The following CTNNA3 variants were observed in gnomAD, a reference collection of about 807,000 sequenced individuals.
CTNNA3 encodes the protein catenin alpha 3.
In CTNNA3, 76 loss-of-function variants were observed where a neutral mutation model predicts 95.7. The ratio of observed to expected loss-of-function variants is 0.79; its 90% CI spans 0.66 to 0.96. CTNNA3 has a LOEUF of 0.96. CTNNA3 is among the 40% of genes least tolerant of loss of function. CTNNA3 has a pLI of 0.00. For synonymous variants in CTNNA3, 431 were observed against 374.4 expected, an observed-to-expected ratio of 1.15 and a Z score of -1.74; for missense variants, 1,191 against 1,089.8, an observed-to-expected ratio of 1.09 and a Z score of -1.31.
chr10:66,585,012 A>G (rs977819798), intron 10 of CTNNA3, among the ~76,000 whole-genome samples: 2 of 152,026 alleles, frequency 1.3e-5, no homozygotes, highest in African/African-American at 4.8e-5. Context: ...TAGGACCCCA[A>G]TTCCATCTGG....
intron 12 of CTNNA3, among the ~76,000 whole-genome samples, chr10:66,292,098 T>C (rs1197718693): frequency 2.0e-5 from 3 of 150,344 alleles, no homozygotes; most frequent in East Asian, 1.9e-4. Context: ...CACACACATA[T>C]ATATATACAT....
chr10:67,572,653 C>G (rs1842015486), intron 3 of CTNNA3, among the ~76,000 whole-genome samples: 2 of 152,148 alleles, frequency 1.3e-5, no homozygotes, highest in South Asian at 4.1e-4. Context: ...AAGCATGAAA[C>G]TCACTACACA....
At chr10:67,598,376 C>G (rs1042446061) in intron 3 of CTNNA3, among the ~76,000 whole-genome samples, 13 of 152,096 alleles carry the variant, frequency 8.5e-5, no homozygotes, top group Admixed American at 7.9e-4. Flanking sequence ...TCCCTGGGAG[C>G]CTCTCAGGGC....
chr10:66,068,912 C>G (rs1052190881), intron 15 of CTNNA3, among the ~76,000 whole-genome samples: 1 of 152,130 alleles, frequency 6.6e-6, no homozygotes, highest in Non-Finnish European at 1.5e-5. Flanking sequence ...ATACCACTAT[C>G]CTGATTATGC....
rs559414713 is a variant in CTNNA3, at chr10:67,020,822, G to A, written c.1047+159495C>T. ...TATTTGATGGTTTCCTAATTAGTAG[G>A]GTTGGAACAGAGGGGCTTCAGATGA... On this transcript the variant is annotated intron_variant, in intron 7 of 17. Transcript: ENST00000433211. Among the ~76,000 whole-genome samples the A allele has an allele frequency of 2.6e-5, 4 of 152,236 alleles. No homozygotes were observed. The East Asian group carries it at 7.7e-4, about 29-fold the overall frequency.
rs560333706 is a variant in CTNNA3 at position 66,197,275 on chromosome 10, A to T, written c.1884+83195T>A. On this transcript the variant is annotated intron_variant, in intron 13 of 17. Coordinates refer to ENST00000433211, the MANE Select transcript of CTNNA3 (RefSeq NM_013266.4). Reference sequence around the variant, plus strand: ...TGTTTATGAGTTATACTCAACCCATAGGTTACTGTTTTACAAACTCTGATG... The same window carrying T: ...TGTTTATGAGTTATACTCAACCCATTGGTTACTGTTTTACAAACTCTGATG... Among the ~76,000 whole-genome samples the T allele has an allele frequency of 2.6e-5, 4 of 152,306 alleles. No homozygotes were observed. The South Asian group carries it at 8.3e-4, about 32-fold the overall frequency.
At chr10:66,844,618 A>G (rs771656097) in intron 7 of CTNNA3, among the ~76,000 whole-genome samples, 2 of 152,210 alleles carry the variant, frequency 1.3e-5, no homozygotes, top group Non-Finnish European at 2.9e-5. Flanking sequence ...AGAAAGATTT[A>G]TATTAAGGAG....
intron 9 of CTNNA3, among the ~76,000 whole-genome samples, chr10:66,675,004 C>T (rs973755348): frequency 2.0e-5 from 3 of 152,064 alleles, no homozygotes; most frequent in Non-Finnish European, 2.9e-5. Context: ...CAGCTATCTT[C>T]TCTCTGCAGA....
chr10:66,939,876 T>A (rs1198642640), intron 7 of CTNNA3, among the ~76,000 whole-genome samples: 2 of 152,340 alleles, frequency 1.3e-5, no homozygotes, highest in East Asian at 3.9e-4. Context: ...CTTGTAACAA[T>A]CTTCCAAGAA....
At chr10:66,572,536 G>T (rs1842900287) in intron 10 of CTNNA3, among the ~76,000 whole-genome samples, 3 of 151,382 alleles carry the variant, frequency 2.0e-5, no homozygotes, top group African/African-American at 7.3e-5. Flanking sequence ...ATCACATTCT[G>T]TGTGGCTAAT....
chr10:67,499,369 A>G (rs967173359), intron 5 of CTNNA3, among the ~76,000 whole-genome samples: 1 of 152,146 alleles, frequency 6.6e-6, no homozygotes, highest in African/African-American at 2.4e-5. Flanking sequence ...ATTGATATTC[A>G]TCAGGGATAT....
chr10:66,735,129 T>C (rs1849092246), intron 9 of CTNNA3, among the ~76,000 whole-genome samples: 1 of 151,826 alleles, frequency 6.6e-6, no homozygotes, highest in South Asian at 2.1e-4. Flanking sequence ...AATGCTTTCT[T>C]GATTCACCTT....
At chr10:66,466,463 C>G (rs1564990995) in intron 11 of CTNNA3, among the ~76,000 whole-genome samples, 1 of 151,726 alleles carries the variant, frequency 6.6e-6, no homozygotes. Flanking sequence ...ATTGAAAATC[C>G]ATAACGTGAC....
intron 5 of CTNNA3, among the ~76,000 whole-genome samples, chr10:67,249,572 G>A (rs888331061): frequency 9.8e-6 from 1 of 102,228 alleles, no homozygotes; most frequent in African/African-American, 8.1e-5. Flanking sequence ...TCTACCGTAT[G>A]TATTACCGAG....
chr10:66,997,354 C>T, intron 7 of CTNNA3, among the ~76,000 whole-genome samples: 1 of 152,128 alleles, frequency 6.6e-6, no homozygotes, highest in East Asian at 1.9e-4. Context: ...CAAATTCTTT[C>T]TTGTTTGTAA....
At chr10:66,585,655 T>C (rs1843336962) in intron 10 of CTNNA3, among the ~76,000 whole-genome samples, 1 of 152,038 alleles carries the variant, frequency 6.6e-6, no homozygotes, top group Non-Finnish European at 1.5e-5. Context: ...ATCAACTTTT[T>C]TGAATTATTT....
intron 13 of CTNNA3, among the ~76,000 whole-genome samples, chr10:66,152,240 C>A (rs74335713): frequency 0.074 from 11,159 of 151,782 alleles, 514 homozygotes; most frequent in Admixed American, 0.12. Flanking sequence ...GCTAGAATAA[C>A]CATGAAAGTT....
rs923386880 is a variant in CTNNA3 at position 67,069,562 on chromosome 10, A to G, written c.1047+110755T>C. Among the ~76,000 whole-genome samples, 137 of 23,206 alleles carry G rather than the reference A, an allele frequency of 5.9e-3. 1 individual carries two copies. Among genetic ancestry groups the G allele is most frequent in the African/African-American group, 0.025 (133 of 5,236 alleles). 15.2% of individuals were successfully genotyped at this position (23,206 alleles called of 152,430 possible). A position where few individuals can be genotyped will look rare whatever the true frequency, so the allele number is the denominator to read the frequency against. ...TACAAGGTGTACAGCAGCCCGCCCC[A>G]CCCCACCCCACCCCACCCCACCCAG... On this transcript the variant is annotated intron_variant, in intron 7 of 17. Coordinates refer to ENST00000433211, the MANE Select transcript of CTNNA3 (RefSeq NM_013266.4).
At chr10:67,142,292 C>A (rs1314768752) in intron 7 of CTNNA3, among the ~76,000 whole-genome samples, 1 of 152,050 alleles carries the variant, frequency 6.6e-6, no homozygotes. Context: ...AAGGTATATT[C>A]TCTTCTCCTC....
Sources: gnomAD v4.1 joint callset for allele counts (sites outside exome capture counted in the v4.1 genomes callset) on GRCh38, gnomAD v4.1.1 for gene constraint, MANE v1.5 for transcripts, NCBI Gene and HGNC (gene_info 2026-07-23, HGNC 2026-07-21) for gene names.